The following INPP4B variants were observed in gnomAD, a reference collection of about 807,000 sequenced individuals.
INPP4B encodes the protein inositol polyphosphate 4-phosphatase type II.
A neutral mutation model predicts 122.5 loss-of-function variants in INPP4B; 55 were observed. That is an observed-to-expected ratio of 0.45 (90% CI 0.36 to 0.56). The LOEUF (loss-of-function observed/expected upper bound fraction) is 0.56. Among genes scored for constraint, INPP4B ranks in the 20% least tolerant of loss-of-function variants. INPP4B has a pLI of 0.00. For missense variants in INPP4B, 1,000 were observed against 1,097.7 expected, an observed-to-expected ratio of 0.91 and a Z score of 1.26; for synonymous variants, 403 against 388.7, an observed-to-expected ratio of 1.04 and a Z score of -0.43.
At chr4:142,687,610 G>T (rs1335814835) in intron 2 of INPP4B, among the ~76,000 whole-genome samples, 1 of 151,074 alleles carries the variant, frequency 6.6e-6, no homozygotes, top group Non-Finnish European at 1.5e-5. Flanking sequence ...GAAGCCTTGG[G>T]CTAGCCCAGG....
chr4:142,374,650 A>C (rs1242200113), intron 7 of INPP4B, among the ~76,000 whole-genome samples: 1 of 151,942 alleles, frequency 6.6e-6, no homozygotes, highest in Non-Finnish European at 1.5e-5. Flanking sequence ...TATTAATGTT[A>C]AGAAATGACT....
chr4:142,824,268 ACTAT>A (rs1365316001), intron 1 of INPP4B, among the ~76,000 whole-genome samples: 1 of 149,438 alleles, frequency 6.7e-6, no homozygotes, highest in Non-Finnish European at 1.5e-5. Context: ...TCCTCTTTTA[ACTAT>A]CTATCTATCT....
intron 3 of INPP4B, among the ~76,000 whole-genome samples, chr4:142,440,817 G>A (rs1451165020): frequency 6.6e-6 from 1 of 152,114 alleles, no homozygotes; most frequent in Admixed American, 6.6e-5. Context: ...TTACTATGGT[G>A]GAACAAATTA....
At chr4:142,629,997 G>C (rs940019162) in intron 2 of INPP4B, among the ~76,000 whole-genome samples, 2 of 152,072 alleles carry the variant, frequency 1.3e-5, no homozygotes, top group Non-Finnish European at 2.9e-5. Context: ...ACATTGTCTA[G>C]ACATTTGCTA....
chr4:142,142,622 G>A (rs1808456510), intron 18 of INPP4B, among the ~76,000 whole-genome samples: 1 of 151,926 alleles, frequency 6.6e-6, no homozygotes, highest in Admixed American at 6.6e-5. Flanking sequence ...AAGAAAGTAA[G>A]GGAGTAAACA....
At chr4:142,581,777 T>C (rs1735139082) in intron 2 of INPP4B, among the ~76,000 whole-genome samples, 1 of 151,980 alleles carries the variant, frequency 6.6e-6, no homozygotes, top group South Asian at 2.1e-4. Flanking sequence ...GCATATCATT[T>C]TGCATATGAG....
At chr4:142,785,923 G>A (rs1332624226) in intron 1 of INPP4B, among the ~76,000 whole-genome samples, 1 of 152,020 alleles carries the variant, frequency 6.6e-6, no homozygotes, top group African/African-American at 2.4e-5. Flanking sequence ...AAGCCAGGGG[G>A]GTTGGAGGGG....
intron 1 of INPP4B, among the ~76,000 whole-genome samples, chr4:142,737,111 CT>C (rs1291526169): frequency 2.0e-5 from 3 of 152,152 alleles, no homozygotes; most frequent in African/African-American, 7.2e-5. Context: ...GAAAAAACTA[CT>C]TTAAAGTTCA....
At chr4:142,680,082 T>C (rs1181795893) in intron 2 of INPP4B, among the ~76,000 whole-genome samples, 4 of 151,864 alleles carry the variant, frequency 2.6e-5, no homozygotes, top group African/African-American at 9.7e-5. Flanking sequence ...CTTTGAGTTC[T>C]GATTTAGAGC....
At chr4:142,440,641 A>C (rs1811494734) in intron 3 of INPP4B, among the ~76,000 whole-genome samples, 1 of 152,214 alleles carries the variant, frequency 6.6e-6, no homozygotes. Context: ...CCTGCCCGTC[A>C]TTCACTCCTT....
chr4:142,065,602 A>C (rs1763109492), intron 25 of INPP4B, among the ~76,000 whole-genome samples: 1 of 152,194 alleles, frequency 6.6e-6, no homozygotes, highest in Non-Finnish European at 1.5e-5. Flanking sequence ...CATTCACAAA[A>C]GACCACGAAT....
chr4:142,088,388 G>A (rs1578858567), intron 23 of INPP4B, among the ~76,000 whole-genome samples: 2 of 152,194 alleles, frequency 1.3e-5, no homozygotes, highest in Non-Finnish European at 2.9e-5. Context: ...AGAATTATAA[G>A]CAGCCATTAA....
intron 3 of INPP4B, among the ~76,000 whole-genome samples, chr4:142,447,637 G>A (rs145163492): frequency 2.6e-5 from 4 of 152,270 alleles, no homozygotes; most frequent in African/African-American, 7.2e-5. Flanking sequence ...TCACAGTCAC[G>A]GCCTGAGGAC....
At chr4:142,301,287 T>A (rs1184346541) in intron 9 of INPP4B, among the ~76,000 whole-genome samples, 1 of 152,108 alleles carries the variant, frequency 6.6e-6, no homozygotes, top group Non-Finnish European at 1.5e-5. Flanking sequence ...TTATTAAACC[T>A]CTACTATGTT....
At chr4:142,779,360 C>G (rs1271087228) in intron 1 of INPP4B, among the ~76,000 whole-genome samples, 4 of 151,946 alleles carry the variant, frequency 2.6e-5, no homozygotes, top group Admixed American at 1.3e-4. Context: ...AATTTATAAA[C>G]AAAATTTTGG....
Position 142,108,193 on chromosome 4 carries a change from A to G in INPP4B, c.2277-3T>C, listed in dbSNP as rs776531583. 6.4e-7 allele frequency: 1 copy of G among 1,554,058 alleles called. No individual in the cohort carries two copies. Among genetic ancestry groups the G allele is most frequent in the Non-Finnish European group, 8.9e-7 (1 of 1,128,444 alleles). On this transcript the variant is annotated splice_polypyrimidine_tract_variant and splice_region_variant and intron_variant, in intron 22 of 25. Transcript: ENST00000262992. Reference sequence around the variant, plus strand: ...CTTGCAAAGAGACATCTCCAAACCTACAAACAGAAAAAAGAAAACAGCTGT... The same window carrying G: ...CTTGCAAAGAGACATCTCCAAACCTGCAAACAGAAAAAAGAAAACAGCTGT...
intron 9 of INPP4B, among the ~76,000 whole-genome samples, chr4:142,291,530 T>C (rs1756474587): frequency 6.6e-6 from 1 of 152,200 alleles, no homozygotes; most frequent in African/African-American, 2.4e-5. Context: ...AAGAGGAAAC[T>C]CTTTCCTAGA....
chr4:142,627,789 C>T (rs1413343565), intron 2 of INPP4B, among the ~76,000 whole-genome samples: 1 of 152,154 alleles, frequency 6.6e-6, no homozygotes, highest in African/African-American at 2.4e-5. Flanking sequence ...GGAGGATTCC[C>T]TCTTTTTCTA....
intron 2 of INPP4B, among the ~76,000 whole-genome samples, chr4:142,637,197 CATT>C (rs1368912926): frequency 6.6e-6 from 1 of 152,148 alleles, no homozygotes; most frequent in Non-Finnish European, 1.5e-5. Context: ...ATTGACACAT[CATT>C]ATCACCCAGT....
Sources: allele counts gnomAD v4.1 joint callset (sites outside exome capture counted in the v4.1 genomes callset), GRCh38; gene constraint gnomAD v4.1.1; transcripts MANE v1.5; gene names NCBI Gene and HGNC (gene_info 2026-07-23, HGNC 2026-07-21).